The following CABIN1 variants were observed in gnomAD, a reference collection of about 807,000 sequenced individuals.
CABIN1 encodes calcineurin binding protein 1, also known as calcineurin-binding protein cabin-1.
CABIN1 carries 133 observed loss-of-function variants against 227.7 expected under a neutral mutation model. The ratio of observed to expected loss-of-function variants is 0.58; its 90% confidence interval spans 0.51 to 0.67. The LOEUF (loss-of-function observed/expected upper bound fraction) is 0.67. CABIN1 is among the 30% of genes least tolerant of loss of function. CABIN1 has a pLI of 0.00. For missense variants in CABIN1, 2,408 were observed against 2,852.5 expected, an observed-to-expected ratio of 0.84 and a Z score of 3.55; for synonymous variants, 1,086 against 1,155.1, an observed-to-expected ratio of 0.94 and a Z score of 1.21.
rs1013805114 is a variant in CABIN1 at position 24,038,403 on chromosome 22, G to A, written c.152G>A (p.Arg51Gln). Residue 51 changes from arginine (R) to glutamine (Q), a missense_variant, in exon 4 of 37, where the codon CGG (arginine) becomes CAG (glutamine). By Grantham distance (43) the Arg-to-Gln change is conservative. Around this residue, in one of 3 missense-constraint regions of CABIN1, gnomAD observed 1,045 missense variants for 1,168.4 expected, o/e 0.89. Coordinates refer to ENST00000263119, the MANE Select transcript of CABIN1 (RefSeq NM_012295.4). ...HKALDLQKHD[R>Q]FEESAKAYHE... ...GCCCTTGATCTGCAGAAACATGACCGGTTTGAGGAGTCTGCCAAAGCCTAC... is the reference window on the plus strand; with the variant it reads ...GCCCTTGATCTGCAGAAACATGACCAGTTTGAGGAGTCTGCCAAAGCCTAC... The A allele has an allele frequency of 1.9e-6, 3 of 1,614,100 alleles. No individual in the cohort carries two copies. The highest frequency in any genetic ancestry group is 2.2e-5 in the East Asian group (1 of 44,878).
At chr22:24,165,887 A>G (rs1314108401) in intron 31 of CABIN1, among the ~76,000 whole-genome samples, 1 of 152,202 alleles carries the variant, frequency 6.6e-6, no homozygotes, top group Non-Finnish European at 1.5e-5. Flanking sequence ...GAGCTCCCCA[A>G]GGGCTGCACC....
chr22:24,166,469 C>G (rs1199680374), intron 31 of CABIN1, among the ~76,000 whole-genome samples, 170 bp from the exon 32 acceptor site: 2 of 152,192 alleles, frequency 1.3e-5, no homozygotes, highest in African/African-American at 4.8e-5. Flanking sequence ...GTCTCTGGGC[C>G]CAGTGTCCTT....
intron 27 of CABIN1, among the ~76,000 whole-genome samples, chr22:24,116,250 A>C (rs1275613006): frequency 6.6e-6 from 1 of 152,204 alleles, no homozygotes; most frequent in Non-Finnish European, 1.5e-5. Context: ...TGATCTAGGG[A>C]GAAAGTTGTC....
intron 8 of CABIN1, among the ~76,000 whole-genome samples, chr22:24,051,779 ATC>A: frequency 6.6e-6 from 1 of 151,790 alleles, no homozygotes; most frequent in East Asian, 2.0e-4. Context: ...GGAGAGCAAC[ATC>A]TCTCTCATAG....
At chr22:24,155,795 G>A (rs937369529) in intron 29 of CABIN1, 68 of 408,454 alleles carry the variant, frequency 1.7e-4, no homozygotes, top group Middle Eastern at 6.4e-4. Context: ...CCTACACCAT[G>A]CTCTCTGGGG....
chr22:24,126,637 G>T (rs1446803840), intron 28 of CABIN1, among the ~76,000 whole-genome samples: 3 of 152,166 alleles, frequency 2.0e-5, no homozygotes, highest in Non-Finnish European at 2.9e-5. Flanking sequence ...AGAAGATGAG[G>T]TCAGAGGCTT....
At chr22:24,058,418 A>T (rs971807001) in intron 10 of CABIN1, among the ~76,000 whole-genome samples, 1 of 152,190 alleles carries the variant, frequency 6.6e-6, no homozygotes, top group African/African-American at 2.4e-5. Context: ...GAATGAAGAC[A>T]TTCACAAGTG....
chr22:24,166,871 G>A lies in CABIN1; in HGVS notation c.5240G>A (p.Arg1747Gln), dbSNP rs371708295. The change falls in exon 32 of 37, where the codon CGG (arginine) becomes CAG (glutamine). Residue 1747 changes from arginine to glutamine, a missense_variant. Transcript: ENST00000263119. ...GACAGTGCAGACCAAAGCGGGGAGC[G>A]GAAGGATAAAGAGAGCCCACGGGCA... is the stretch of plus-strand genomic sequence containing the variant. ...AGDSADQSGE[R>Q]KDKESPRAGP... The A allele has an allele frequency of 2.5e-5, 41 of 1,611,798 alleles. No individual in the cohort carries two copies. In the Middle Eastern group the frequency reaches 6.6e-4, roughly 26 times the overall value.
chr22:24,084,485 C>T, intron 20 of CABIN1, 94 bp from the exon 21 acceptor site: 1 of 999,136 alleles, frequency 1.0e-6, no homozygotes, highest in South Asian at 1.3e-5. Flanking sequence ...ACCTCATTTA[C>T]ATTGGACAAA....
intron 29 of CABIN1, among the ~76,000 whole-genome samples, chr22:24,140,439 G>A (rs1436246744): frequency 6.6e-6 from 1 of 152,170 alleles, no homozygotes; most frequent in African/African-American, 2.4e-5. Flanking sequence ...CTGCTGGGGT[G>A]GCTACCCACA....
intron 27 of CABIN1, among the ~76,000 whole-genome samples, chr22:24,115,590 G>A (rs962426661): frequency 6.6e-6 from 1 of 152,216 alleles, no homozygotes; most frequent in Non-Finnish European, 1.5e-5. Context: ...CCCACAGCCA[G>A]CAGATAGTTC....
intron 26 of CABIN1, among the ~76,000 whole-genome samples, chr22:24,109,060 T>C (rs1474693399): frequency 2.6e-5 from 4 of 152,178 alleles, no homozygotes; most frequent in Non-Finnish European, 5.9e-5. Flanking sequence ...TGGGTGCTTA[T>C]GTTATCACAG....
chr22:24,141,199 G>T (rs950322840), intron 29 of CABIN1, among the ~76,000 whole-genome samples: 2 of 152,226 alleles, frequency 1.3e-5, no homozygotes, highest in Admixed American at 6.5e-5. Flanking sequence ...TCAAGGCCCT[G>T]CCCTGGCTTG....
At chr22:24,080,877 A>T (rs2146982963) in intron 19 of CABIN1, among the ~76,000 whole-genome samples, 1 of 152,264 alleles carries the variant, frequency 6.6e-6, no homozygotes. Flanking sequence ...TCCACGAATA[A>T]CTATTTTTTC....
chr22:24,117,548 G>A (rs913688300), intron 27 of CABIN1, among the ~76,000 whole-genome samples: 8 of 151,750 alleles, frequency 5.3e-5, no homozygotes, highest in Non-Finnish European at 8.8e-5. Context: ...GTTTTTTTGG[G>A]GGGGGGGTTA....
At chr22:24,021,168 T>G (rs1218445334) in intron 1 of CABIN1, among the ~76,000 whole-genome samples, 2 of 151,676 alleles carry the variant, frequency 1.3e-5, no homozygotes, top group Non-Finnish European at 2.9e-5. Flanking sequence ...CCTGGCTAAT[T>G]TTTATTTTAT....
Position 24,134,427 on chromosome 22 carries a change from G to A in CABIN1, c.4746+12G>A. The A allele has an allele frequency of 6.2e-7, 1 of 1,602,672 alleles. No individual in the cohort carries two copies. The highest frequency in any genetic ancestry group is 8.5e-7 in the Non-Finnish European group (1 of 1,169,744). ...CCAATTTCTTCAACGTGAGTACTTT[G>A]CCTTGTTGATTTCCAAGGCTGTTTG... On this transcript the variant is annotated intron_variant, in intron 29 of 36. Transcript: ENST00000263119.
chr22:24,116,707 G>T (rs996563903), intron 27 of CABIN1, among the ~76,000 whole-genome samples: 1 of 152,232 alleles, frequency 6.6e-6, no homozygotes, highest in Admixed American at 6.5e-5. Context: ...GTAGCCACCT[G>T]AGGGCCAGGC....
At chr22:24,104,791 A>G (rs368448868) in intron 26 of CABIN1, among the ~76,000 whole-genome samples, 104 of 152,336 alleles carry the variant, frequency 6.8e-4, no homozygotes, top group African/African-American at 2.4e-3. Flanking sequence ...AAAATTTCTC[A>G]AAATACTAAT....
Sources: gnomAD v4.1 joint callset for allele counts (sites outside exome capture counted in the v4.1 genomes callset) on GRCh38, gnomAD v4.1.1 for gene constraint, gnomAD v4.1.1 regional missense constraint, MANE v1.5 for transcripts, NCBI Gene and HGNC (gene_info 2026-07-23, HGNC 2026-07-21) for gene names.